Variants in VPS8 observed in about 807,000 individuals in gnomAD.
The protein encoded by VPS8 is VPS8 subunit of CORVET complex, also known as vacuolar protein sorting-associated protein 8 homolog.
In VPS8, 129 loss-of-function variants were observed where a neutral mutation model predicts 216.4. The observed-to-expected ratio is 0.60, with a 90% CI of 0.52 to 0.69. The LOEUF (loss-of-function observed/expected upper bound fraction) is 0.69, where lower values mean the gene tolerates loss of function less well. VPS8 is among the 30% of genes least tolerant of loss of function. VPS8 has a pLI of 0.00. For synonymous variants in VPS8, 571 were observed against 565.4 expected (o/e 1.01, Z -0.14); for missense variants, 1,531 against 1,683.5 (o/e 0.91, Z 1.59).
chr3:185,030,902 A>G (rs897552944), intron 46 of VPS8, among the ~76,000 whole-genome samples: 2 of 151,888 alleles, frequency 1.3e-5, no homozygotes, highest in African/African-American at 2.4e-5. Context: ...AATTGGGATT[A>G]TAGGCATGAG....
intron 21 of VPS8, among the ~76,000 whole-genome samples, chr3:184,877,727 T>C (rs1489022248): frequency 6.6e-6 from 1 of 152,220 alleles, no homozygotes; most frequent in African/African-American, 2.4e-5. Flanking sequence ...GTACTATGTT[T>C]CATCCCACAG....
intron 21 of VPS8, among the ~76,000 whole-genome samples, chr3:184,879,566 G>A (rs1027976756): frequency 6.6e-6 from 1 of 152,178 alleles, no homozygotes; most frequent in East Asian, 1.9e-4. Flanking sequence ...GCAAGAGAAG[G>A]ACTTGTTCTT....
At position 185,020,469 on chromosome 3, in the gene VPS8, C is replaced by CTT. The variant is rs577443262; in HGVS notation, c.4003-3853_4003-3852dup. On this transcript the variant is annotated intron_variant, in intron 45 of 47. Transcript: ENST00000625842. The stretch of plus-strand genomic sequence containing the variant: ...TCTTTTGTAATCAGTAAAATTAAGG[C>CTT]TTTTTTTTTTTTTTTGCATTTAAAA... Among the ~76,000 whole-genome samples, 321 of 130,916 alleles carry CTT rather than the reference C, an allele frequency of 2.5e-3. 1 individual carries two copies. The highest frequency in any genetic ancestry group is 8.0e-3 in the South Asian group (32 of 3,998). The allele number at this position is 130,916 out of a possible 152,430, so 85.9% of individuals were successfully genotyped here. A position where few individuals can be genotyped will look rare whatever the true frequency, so the allele number is the denominator to read the frequency against.
intron 7 of VPS8, 141 bp from the exon 8 acceptor site, chr3:184,843,099 C>A: frequency 2.0e-6 from 1 of 506,890 alleles, no homozygotes; most frequent in Non-Finnish European, 3.2e-6. Flanking sequence ...ATCACTTAAT[C>A]AAATTTAGTA....
In VPS8 at chr3:185,051,468, G is replaced by A. The variant is rs779617855; in HGVS notation, c.4138-408G>A. ...CGAGGAGAGTGCACCAAGATGGAGA[G>A]GTTGGAACAAGCAGAGCTGAGAACA... On this transcript the variant is annotated intron_variant, in intron 47 of 47. Transcript: ENST00000625842. Among the ~76,000 whole-genome samples the A allele has an allele frequency of 2.6e-5, 4 of 152,062 alleles. No homozygotes were observed. In the South Asian group the frequency reaches 8.3e-4, roughly 32 times the overall value.
At chr3:184,927,227 C>T (rs1431889572) in intron 31 of VPS8, among the ~76,000 whole-genome samples, 1 of 152,142 alleles carries the variant, frequency 6.6e-6, no homozygotes, top group African/African-American at 2.4e-5. Context: ...TAATTGTGGG[C>T]ACTAAGAGAG....
chr3:185,025,137 A>G (rs1243664551), intron 46 of VPS8, among the ~76,000 whole-genome samples: 1 of 152,240 alleles, frequency 6.6e-6, no homozygotes, highest in African/African-American at 2.4e-5. Flanking sequence ...CATGTGTGCT[A>G]CTTCAGTTCC....
At chr3:184,855,606 T>G (rs1725088624) in intron 13 of VPS8, 105 bp from the exon 14 acceptor site, 2 of 956,650 alleles carry the variant, frequency 2.1e-6, no homozygotes, top group South Asian at 3.0e-5. Context: ...TTGGGGAAAG[T>G]TTTTATCAAG....
chr3:184,841,902 C>A (rs1722210569), intron 7 of VPS8, among the ~76,000 whole-genome samples: 1 of 151,788 alleles, frequency 6.6e-6, no homozygotes, highest in Non-Finnish European at 1.5e-5. Flanking sequence ...ATTCTGCTAT[C>A]CTGAGAGAAA....
chr3:184,852,581 G>C lies in VPS8; in HGVS notation c.821+14G>C. 1 of 1,610,362 alleles carries C rather than the reference G, an allele frequency of 6.2e-7. No individual in the cohort carries two copies. The highest frequency in any genetic ancestry group is 8.5e-7 in the Non-Finnish European group (1 of 1,178,280). On this transcript the variant is annotated intron_variant, in intron 11 of 47. Coordinates refer to ENST00000625842, the MANE Select transcript of VPS8 (RefSeq NM_001009921.3). ...ATTGACATTTAAGTAAGAGACTAGTGGACATTTGTTGACAAATGAAAAGAC... is the reference window on the plus strand; with the variant it reads ...ATTGACATTTAAGTAAGAGACTAGTCGACATTTGTTGACAAATGAAAAGAC...
At chr3:184,857,832 G>A (rs1040997826) in intron 14 of VPS8, among the ~76,000 whole-genome samples, 2 of 152,164 alleles carry the variant, frequency 1.3e-5, no homozygotes, top group African/African-American at 4.8e-5. Flanking sequence ...AGAAAGAGTA[G>A]GTGACTGCCC....
intron 36 of VPS8, among the ~76,000 whole-genome samples, chr3:184,942,337 A>G (rs28751940): frequency 0.018 from 2,697 of 152,238 alleles, 85 homozygotes; most frequent in African/African-American, 0.062. Context: ...GGTATATTTT[A>G]TTTCCCTAAG....
rs553649158 is a variant in VPS8, at chr3:185,024,199, A to G, written c.4003-137A>G. On this transcript the variant is annotated intron_variant, in intron 45 of 47. Transcript: ENST00000625842. ...TTCAAGGGGACTTAACACAAAATCTATTAATCTATTAATTTCCTCTGGAAA... is the reference window on the plus strand; with the variant it reads ...TTCAAGGGGACTTAACACAAAATCTGTTAATCTATTAATTTCCTCTGGAAA... 47 of 788,386 alleles carry G rather than the reference A, an allele frequency of 6.0e-5. No individual in the cohort carries two copies. The African/African-American group carries it at 7.6e-4, about 13-fold the overall frequency. The allele number at this position is 788,386 out of a possible 1,614,324, so 48.8% of individuals were successfully genotyped here. A position where few individuals can be genotyped will look rare whatever the true frequency, so the allele number is the denominator to read the frequency against.
chr3:184,961,740 A>AT (rs1199557998), intron 37 of VPS8, among the ~76,000 whole-genome samples: 21 of 143,042 alleles, frequency 1.5e-4, no homozygotes, highest in Admixed American at 1.5e-3. Flanking sequence ...TTTTTTACCA[A>AT]TTTTTTTGTT....
At chr3:184,994,656 A>G (rs1483022058) in intron 43 of VPS8, among the ~76,000 whole-genome samples, 2 of 152,250 alleles carry the variant, frequency 1.3e-5, no homozygotes, top group Non-Finnish European at 1.5e-5. Context: ...AAATAATTTA[A>G]TACAAAGCTA....
chr3:184,924,245 C>G (rs1739156787), intron 29 of VPS8, among the ~76,000 whole-genome samples: 1 of 152,228 alleles, frequency 6.6e-6, no homozygotes, highest in Non-Finnish European at 1.5e-5. Flanking sequence ...ATCTTACTCT[C>G]AAACCTCAAA....
At chr3:184,911,774 T>G (rs1005960471) in intron 25 of VPS8, among the ~76,000 whole-genome samples, 1 of 152,132 alleles carries the variant, frequency 6.6e-6, no homozygotes, top group African/African-American at 2.4e-5. Context: ...TACAAGACAT[T>G]AAGGACTCCT....
intron 22 of VPS8, among the ~76,000 whole-genome samples, chr3:184,890,714 A>G (rs1192355467): frequency 6.6e-6 from 1 of 152,070 alleles, no homozygotes; most frequent in Non-Finnish European, 1.5e-5. Flanking sequence ...AGGGCATACT[A>G]CTCAGTGTAT....
chr3:184,934,683 T>C (rs995168957), intron 34 of VPS8, among the ~76,000 whole-genome samples: 1 of 152,230 alleles, frequency 6.6e-6, no homozygotes, highest in Admixed American at 6.5e-5. Flanking sequence ...TTAAATTTTA[T>C]TGGTATTAAA....
Sources: allele counts gnomAD v4.1 joint callset (sites outside exome capture counted in the v4.1 genomes callset), GRCh38; gene constraint gnomAD v4.1.1; transcripts MANE v1.5; gene names NCBI Gene and HGNC (gene_info 2026-07-23, HGNC 2026-07-21).